Variants in LDLRAD3 observed in about 807,000 individuals in gnomAD.
LDLRAD3 encodes low-density lipoprotein receptor class A domain-containing protein 3.
Under a neutral mutation model 29.4 loss-of-function variants are expected in LDLRAD3, and 20 were observed. That is an observed-to-expected ratio of 0.68 (90% CI 0.48 to 0.99). The LOEUF (loss-of-function observed/expected upper bound fraction) is 0.99. LDLRAD3 is among the 50% of genes least tolerant of loss of function. The probability of loss-of-function intolerance (pLI) is 0.00; values close to 1 mark genes in which losing one functional copy is unlikely to be tolerated. For missense variants in LDLRAD3, 420 were observed against 454.3 expected, an observed-to-expected ratio of 0.92 and a Z score of 0.69; for synonymous variants, 157 against 192.7, an observed-to-expected ratio of 0.81 and a Z score of 1.53.
chr11:36,000,200 T>A (rs964400523), intron 1 of LDLRAD3, among the ~76,000 whole-genome samples: 4 of 150,068 alleles, frequency 2.7e-5, no homozygotes, highest in African/African-American at 9.8e-5. Flanking sequence ...ATGTACATAT[T>A]ATATAGCATA....
At chr11:36,086,053 TGTTTA>T (rs746332790) in intron 3 of LDLRAD3, among the ~76,000 whole-genome samples, 37 of 152,340 alleles carry the variant, frequency 2.4e-4, no homozygotes, top group Admixed American at 5.2e-4. Context: ...TGTTTTGTTT[TGTTTA>T]GTTGTTTAAA....
At chr11:36,003,731 A>G (rs1237915963) in intron 1 of LDLRAD3, among the ~76,000 whole-genome samples, 5 of 152,220 alleles carry the variant, frequency 3.3e-5, no homozygotes, top group Non-Finnish European at 7.3e-5. Context: ...ACATTGCTAT[A>G]AAGAACCACC....
chr11:36,007,992 C>T (rs1249121075), intron 1 of LDLRAD3, among the ~76,000 whole-genome samples: 6 of 152,166 alleles, frequency 3.9e-5, no homozygotes, highest in Admixed American at 2.6e-4. Context: ...GTTTACTCCA[C>T]GTGACCTCTG....
chr11:36,165,944 T>TC (rs1854506919), intron 4 of LDLRAD3, among the ~76,000 whole-genome samples: 7 of 109,902 alleles, frequency 6.4e-5, no homozygotes, highest in East Asian at 4.7e-4. Context: ...CTGGCTTGCT[T>TC]CCTCCCTCCC....
At chr11:35,976,604 A>G (rs1290608872) in intron 1 of LDLRAD3, among the ~76,000 whole-genome samples, 2 of 152,020 alleles carry the variant, frequency 1.3e-5, no homozygotes, top group Non-Finnish European at 2.9e-5. Flanking sequence ...GTGACAGTGC[A>G]TGAATTTGAC....
At chr11:35,964,156 AAG>A (rs1456458262) in intron 1 of LDLRAD3, among the ~76,000 whole-genome samples, 2 of 152,134 alleles carry the variant, frequency 1.3e-5, no homozygotes, top group Non-Finnish European at 1.5e-5. Flanking sequence ...TAAAACTAGA[AAG>A]AGGGCATTGT....
chr11:36,046,494 C>A (rs1258657782), intron 2 of LDLRAD3, among the ~76,000 whole-genome samples: 1 of 152,200 alleles, frequency 6.6e-6, no homozygotes, highest in Non-Finnish European at 1.5e-5. Flanking sequence ...GGTTCTCTCC[C>A]TGTGTCTCTT....
chr11:36,059,598 C>A (rs767659058), intron 2 of LDLRAD3, among the ~76,000 whole-genome samples: 5 of 152,072 alleles, frequency 3.3e-5, no homozygotes, highest in Non-Finnish European at 7.4e-5. Context: ...TGAGATGTTG[C>A]CTCTGCCTGG....
intron 5 of LDLRAD3, 106 bp from the exon 6 acceptor site, chr11:36,229,054 G>A: frequency 1.3e-6 from 1 of 775,462 alleles, no homozygotes; most frequent in Admixed American, 2.1e-5. Context: ...TTTCGCACTG[G>A]AAACACTGTC....
intron 3 of LDLRAD3, among the ~76,000 whole-genome samples, chr11:36,087,687 G>A (rs1565213415): frequency 6.6e-6 from 1 of 152,022 alleles, no homozygotes; most frequent in African/African-American, 2.4e-5. Flanking sequence ...ACTCAGGAGT[G>A]AGGATAAGCA....
chr11:36,210,540 T>C (rs1315444686), intron 4 of LDLRAD3, among the ~76,000 whole-genome samples: 11 of 150,870 alleles, frequency 7.3e-5, no homozygotes, highest in Non-Finnish European at 1.6e-4. Flanking sequence ...CCTGTAGTTA[T>C]TCATCTATTA....
intron 1 of LDLRAD3, among the ~76,000 whole-genome samples, chr11:35,990,724 C>T (rs1590710167): frequency 6.6e-6 from 1 of 152,078 alleles, no homozygotes; most frequent in East Asian, 1.9e-4. Context: ...CCTCTGCCTC[C>T]ATCTTCACAT....
intron 4 of LDLRAD3, among the ~76,000 whole-genome samples, chr11:36,204,784 G>C (rs1022098700): frequency 6.6e-6 from 1 of 152,050 alleles, no homozygotes; most frequent in African/African-American, 2.4e-5. Flanking sequence ...CCACAGTGCC[G>C]GCCTGGAGTT....
intron 1 of LDLRAD3, among the ~76,000 whole-genome samples, chr11:36,007,444 C>A (rs1851899293): frequency 6.6e-6 from 1 of 152,174 alleles, no homozygotes; most frequent in Non-Finnish European, 1.5e-5. Context: ...TGGGACCCAT[C>A]TGAGATCACC....
At chr11:36,167,693 C>T (rs942770982) in intron 4 of LDLRAD3, among the ~76,000 whole-genome samples, 1 of 152,174 alleles carries the variant, frequency 6.6e-6, no homozygotes, top group African/African-American at 2.4e-5. Flanking sequence ...AGAGGGAGCA[C>T]GCCCTGCTGA....
chr11:36,227,489 T>G, intron 5 of LDLRAD3, 59 bp downstream of exon 5: 2 of 1,279,338 alleles, frequency 1.6e-6, no homozygotes, highest in Non-Finnish European at 2.1e-6. Flanking sequence ...GGGAGGGGAA[T>G]AGGTGCACAC....
chr11:36,073,613 G>A (rs1437457230), intron 2 of LDLRAD3, among the ~76,000 whole-genome samples: 2 of 152,234 alleles, frequency 1.3e-5, no homozygotes, highest in African/African-American at 4.8e-5. Flanking sequence ...CCAGGCACTC[G>A]GCTGGTTGCC....
At chr11:36,015,938 C>A (rs1260399108) in intron 1 of LDLRAD3, among the ~76,000 whole-genome samples, 3 of 152,192 alleles carry the variant, frequency 2.0e-5, no homozygotes, top group South Asian at 4.1e-4. Context: ...CAGCAGAAAT[C>A]GTGGCCTGAT....
chr11:36,129,170 G>A (rs1423292674), intron 4 of LDLRAD3, among the ~76,000 whole-genome samples: 1 of 150,138 alleles, frequency 6.7e-6, no homozygotes, highest in Non-Finnish European at 1.5e-5. Context: ...TCATTGTGTG[G>A]GAAGGTTAAT....
Sources: allele counts gnomAD v4.1 joint callset (sites outside exome capture counted in the v4.1 genomes callset), GRCh38; gene constraint gnomAD v4.1.1; transcripts MANE v1.5; gene names NCBI Gene and HGNC (gene_info 2026-07-23, HGNC 2026-07-21).